COPG2: variants seen among roughly 807,000 people sequenced by gnomAD.
COPG2 encodes the protein coatomer subunit gamma-2.
In COPG2, 37 loss-of-function variants were observed where a neutral mutation model predicts 46.3. The observed-to-expected ratio is 0.80, with a 90% CI of 0.61 to 1.05. COPG2 has a LOEUF of 1.05. Ranked by LOEUF, COPG2 falls within the 50% of genes least tolerant of loss-of-function variation. The probability of loss-of-function intolerance (pLI) is 0.00; values close to 1 mark genes in which losing one functional copy is unlikely to be tolerated. For synonymous variants in COPG2, 159 were observed against 129.7 expected (o/e 1.23, Z -1.53); for missense variants, 427 against 387.8 (o/e 1.10, Z -0.85).
chr7:130,633,787 C>A (rs10236682), intron 5 of COPG2, among the ~76,000 whole-genome samples: 2 of 152,152 alleles, frequency 1.3e-5, no homozygotes, highest in Non-Finnish European at 2.9e-5. Context: ...GTCATGAAGT[C>A]TTTGCCCATG....
intron 20 of COPG2, among the ~76,000 whole-genome samples, chr7:130,519,828 A>T (rs1321334492): frequency 6.6e-6 from 1 of 152,354 alleles, no homozygotes; most frequent in East Asian, 1.9e-4. Context: ...TAAATTAAAG[A>T]AACAGAACTG....
At chr7:130,562,151 G>A (rs1793730678) in intron 11 of COPG2, among the ~76,000 whole-genome samples, 1 of 152,178 alleles carries the variant, frequency 6.6e-6, no homozygotes, top group Non-Finnish European at 1.5e-5. Flanking sequence ...CTGAGGTCAC[G>A]AGTTTGAGAG....
At chr7:130,531,343 G>A (rs947316539) in intron 20 of COPG2, among the ~76,000 whole-genome samples, 1 of 152,236 alleles carries the variant, frequency 6.6e-6, no homozygotes, top group Middle Eastern at 3.4e-3. Context: ...GTAGCCTCAC[G>A]TAGGGTGCAA....
chr7:130,581,900 A>G (rs1417019080), intron 9 of COPG2, among the ~76,000 whole-genome samples: 53 of 149,172 alleles, frequency 3.6e-4, no homozygotes, highest in African/African-American at 1.2e-3. Flanking sequence ...AAGAATCAAT[A>G]TCATGAAAAT....
At chr7:130,525,198 C>A (rs1304420481) in intron 20 of COPG2, among the ~76,000 whole-genome samples, 2 of 152,132 alleles carry the variant, frequency 1.3e-5, no homozygotes. Flanking sequence ...CAGGAGACAA[C>A]CTCACAAATC....
chr7:130,523,465 G>A (rs1018309971), intron 20 of COPG2, among the ~76,000 whole-genome samples: 37 of 152,224 alleles, frequency 2.4e-4, no homozygotes, highest in Non-Finnish European at 3.7e-4. Flanking sequence ...GGATGTGGGA[G>A]GATGGAGAGC....
In COPG2 at chr7:130,513,290, TA is replaced by T. The variant is rs1205677638; in HGVS notation, c.2150-4632del. Among the ~76,000 whole-genome samples the T allele has an allele frequency of 4.2e-3, 86 of 20,280 alleles. 5 individuals are homozygous for T. The highest frequency in any genetic ancestry group is 6.0e-3 in the African/African-American group (56 of 9,262). The allele number at this position is 20,280 out of a possible 152,430, so 13.3% of individuals were successfully genotyped here. On this transcript the variant is annotated intron_variant, in intron 20 of 23. Coordinates refer to ENST00000425248, the MANE Select transcript of COPG2 (RefSeq NM_012133.6). ...GTGACAAGAGTGAAATAATTCTGTC[TA>T]AAAAAAAAAAAAAAAAAATATATAT...
At chr7:130,569,654 T>G (rs1439953830) in intron 9 of COPG2, among the ~76,000 whole-genome samples, 1 of 152,136 alleles carries the variant, frequency 6.6e-6, no homozygotes, top group Non-Finnish European at 1.5e-5. Flanking sequence ...ACTAATCTTA[T>G]TGAAACTATT....
At chr7:130,640,158 C>CTTTTTTT (rs11431866) in intron 5 of COPG2, among the ~76,000 whole-genome samples, 6 of 96,458 alleles carry the variant, frequency 6.2e-5, no homozygotes, top group Non-Finnish European at 7.8e-5. Context: ...CACCACCAAC[C>CTTTTTTT]TTTTTTTTTT....
chr7:130,507,920 ACT>A (rs1166494676), intron 21 of COPG2, 97 bp from the exon 22 acceptor site: 1 of 695,490 alleles, frequency 1.4e-6, no homozygotes, highest in Non-Finnish European at 2.6e-6. Context: ...CCTAGAGAAA[ACT>A]CTACCACCAA....
At chr7:130,540,528 G>A (rs1799925726) in intron 20 of COPG2, among the ~76,000 whole-genome samples, 1 of 152,058 alleles carries the variant, frequency 6.6e-6, no homozygotes, top group Non-Finnish European at 1.5e-5. Flanking sequence ...ATCGGGTGGG[G>A]AGGCATTAAA....
At chr7:130,530,589 C>T (rs1799814444) in intron 20 of COPG2, among the ~76,000 whole-genome samples, 1 of 152,044 alleles carries the variant, frequency 6.6e-6, no homozygotes, top group South Asian at 2.1e-4. Flanking sequence ...ATGACTGAGC[C>T]CGATGAAGCA....
At chr7:130,601,827 AAAGGAAGGAAGGAAGGAGGGAAGG>A (rs1420735117) in intron 9 of COPG2, among the ~76,000 whole-genome samples, 1 of 151,972 alleles carries the variant, frequency 6.6e-6, no homozygotes, top group African/African-American at 2.4e-5. Context: ...TATAATAAAA[AAAGGAAGGAAGGAAGGAGGGAAGG>A]AAGGAAGGAA....
chr7:130,554,099 G>A (rs1178685830), intron 14 of COPG2, among the ~76,000 whole-genome samples: 1 of 152,160 alleles, frequency 6.6e-6, no homozygotes, highest in Non-Finnish European at 1.5e-5. Context: ...AAAGCTCATA[G>A]ACAGTTTACA....
chr7:130,643,432 G>A (rs541429165), intron 5 of COPG2, among the ~76,000 whole-genome samples: 40 of 152,288 alleles, frequency 2.6e-4, no homozygotes, highest in Non-Finnish European at 4.4e-4. Flanking sequence ...ATGTAAGCAT[G>A]TCAATGCAGT....
chr7:130,609,709 T>C (rs1297112551), intron 9 of COPG2, among the ~76,000 whole-genome samples: 1 of 152,230 alleles, frequency 6.6e-6, no homozygotes, highest in East Asian at 1.9e-4. Flanking sequence ...TTTTTCTCCC[T>C]ATGCTTCAGT....
At chr7:130,562,444 C>T (rs953902576) in intron 11 of COPG2, among the ~76,000 whole-genome samples, 2 of 152,256 alleles carry the variant, frequency 1.3e-5, no homozygotes, top group Middle Eastern at 3.4e-3. Context: ...CTCTTTTCTT[C>T]GACTGTTTAC....
Position 130,637,806 on chromosome 7 carries a change from G to T in COPG2, c.323+15063C>A, listed in dbSNP as rs1795374058. The stretch of plus-strand genomic sequence containing the variant: ...TGATCCTTTGGAGAAGAGGCATTCT[G>T]GTTTTTGGAATTTTCAGCCTTTTTG... On this transcript the variant is annotated intron_variant, in intron 5 of 23. Coordinates refer to ENST00000425248, the MANE Select transcript of COPG2 (RefSeq NM_012133.6). 2.0e-5 allele frequency among the ~76,000 whole-genome samples: 3 copies of T among 152,098 alleles called. No homozygotes were observed. In the South Asian group the frequency reaches 6.2e-4, roughly 32 times the overall value.
At chr7:130,537,609 G>A (rs1350966116) in intron 20 of COPG2, among the ~76,000 whole-genome samples, 1 of 151,880 alleles carries the variant, frequency 6.6e-6, no homozygotes, top group Non-Finnish European at 1.5e-5. Flanking sequence ...ACAGAGGAGA[G>A]GTGTTCCCCA....
Sources: allele counts gnomAD v4.1 joint callset (sites outside exome capture counted in the v4.1 genomes callset), GRCh38; gene constraint gnomAD v4.1.1; transcripts MANE v1.5; gene names NCBI Gene and HGNC (gene_info 2026-07-23, HGNC 2026-07-21).